POU2AF2: variants seen among roughly 807,000 people sequenced by gnomAD.
POU2AF2 encodes POU domain class 2-associating factor 2.
the POU2AF2 span, among the ~76,000 whole-genome samples, chr11:111,250,462 A>G: frequency 6.6e-6 from 1 of 152,220 alleles, no homozygotes; most frequent in East Asian, 1.9e-4. Flanking sequence ...CATTATTTTC[A>G]ACCAAAAACA....
chr11:111,285,671 A>C, the POU2AF2 span: 1 of 1,613,208 alleles, frequency 6.2e-7, no homozygotes, highest in South Asian at 1.1e-5. Flanking sequence ...ATGGGAGCAG[A>C]CGTTGCCTGA....
chr11:111,259,433 G>A, the POU2AF2 span, among the ~76,000 whole-genome samples: 6 of 150,776 alleles, frequency 4.0e-5, no homozygotes, highest in Non-Finnish European at 7.4e-5. Context: ...CTCCTGCCTC[G>A]GCCTCCCGAT....
chr11:111,263,540 C>G, the POU2AF2 span, among the ~76,000 whole-genome samples: 1 of 144,774 alleles, frequency 6.9e-6, no homozygotes, highest in Admixed American at 7.5e-5. Flanking sequence ...TCAAGTGATT[C>G]TTCTGCCTCA....
the POU2AF2 span, among the ~76,000 whole-genome samples, chr11:111,281,638 C>T: frequency 1.3e-5 from 2 of 152,176 alleles, no homozygotes; most frequent in Non-Finnish European, 2.9e-5. Flanking sequence ...GTCTTGAAAG[C>T]AGCCCTTTTA....
chr11:111,247,433 C>T, the POU2AF2 span, among the ~76,000 whole-genome samples: 1 of 152,122 alleles, frequency 6.6e-6, no homozygotes, highest in Non-Finnish European at 1.5e-5. Flanking sequence ...CAACAAAATC[C>T]TAATATGTTA....
chr11:111,271,334 A>G, the POU2AF2 span, among the ~76,000 whole-genome samples: 5 of 152,040 alleles, frequency 3.3e-5, no homozygotes, highest in Admixed American at 1.3e-4. Context: ...AAAAAAAAAA[A>G]GAAAGAGAGT....
At chr11:111,250,360 T>G in the POU2AF2 span, among the ~76,000 whole-genome samples, 1 of 152,236 alleles carries the variant, frequency 6.6e-6, no homozygotes, top group Non-Finnish European at 1.5e-5. Flanking sequence ...AGAGTCATAG[T>G]ACTCTTCTGT....
the POU2AF2 span, among the ~76,000 whole-genome samples, chr11:111,270,856 G>A: frequency 6.6e-6 from 1 of 152,182 alleles, no homozygotes; most frequent in Admixed American, 6.5e-5. Flanking sequence ...AGTAGAAATG[G>A]CACCTGCTGG....
the POU2AF2 span, among the ~76,000 whole-genome samples, chr11:111,277,114 A>G: frequency 6.6e-6 from 1 of 152,256 alleles, no homozygotes. Context: ...GAAGAGGGAC[A>G]GTTCTTATCT....
At chr11:111,257,491 C>T in the POU2AF2 span, among the ~76,000 whole-genome samples, 388 of 152,090 alleles carry the variant, frequency 2.6e-3, 3 homozygotes, top group African/African-American at 8.9e-3. Context: ...GTCTCAGCCT[C>T]CCAAGTAGCT....
chr11:111,277,373 A>C, the POU2AF2 span, among the ~76,000 whole-genome samples: 1 of 152,226 alleles, frequency 6.6e-6, no homozygotes, highest in Non-Finnish European at 1.5e-5. Flanking sequence ...CGGTACTGTC[A>C]GTTCCACAGT....
At chr11:111,284,509 G>C in the POU2AF2 span, 1 of 1,130,418 alleles carries the variant, frequency 8.8e-7, no homozygotes, top group Non-Finnish European at 1.2e-6. Context: ...CTGCTTTGCA[G>C]CTGCCTAGAG....
At chr11:111,248,595 A>G in the POU2AF2 span, among the ~76,000 whole-genome samples, 36,081 of 152,176 alleles carry the variant, frequency 0.24, 4,622 homozygotes, top group South Asian at 0.41. Context: ...GTCATTGTCT[A>G]TCACATAACT....
chr11:111,247,003 T>C, the POU2AF2 span, among the ~76,000 whole-genome samples: 2 of 152,214 alleles, frequency 1.3e-5, no homozygotes, highest in African/African-American at 4.8e-5. Context: ...ACCAGTTTTA[T>C]TCTTTATATA....
chr11:111,283,303 C>G, the POU2AF2 span, among the ~76,000 whole-genome samples: 2 of 152,140 alleles, frequency 1.3e-5, no homozygotes, highest in East Asian at 3.9e-4. Context: ...CCAGCCTGGG[C>G]CTCCCAAAGT....
chr11:111,268,794 C>T, the POU2AF2 span, among the ~76,000 whole-genome samples: 2 of 152,036 alleles, frequency 1.3e-5, no homozygotes, highest in African/African-American at 4.8e-5. Flanking sequence ...GTGATCCACC[C>T]GCCTCAGGTT....
the POU2AF2 span, among the ~76,000 whole-genome samples, chr11:111,273,994 T>C: frequency 6.6e-6 from 1 of 152,208 alleles, no homozygotes; most frequent in African/African-American, 2.4e-5. Context: ...TCAATGTTAA[T>C]TTCAATGTTA....
At chr11:111,276,439 G>GA in the POU2AF2 span, among the ~76,000 whole-genome samples, 636 of 44,334 alleles carry the variant, frequency 0.014, 26 homozygotes, top group African/African-American at 0.033. Context: ...CTACTAAAAA[G>GA]AAAAAAAAAA....
the POU2AF2 span, among the ~76,000 whole-genome samples, chr11:111,249,859 C>A: frequency 6.6e-6 from 1 of 152,264 alleles, no homozygotes; most frequent in East Asian, 1.9e-4. Flanking sequence ...TCCAGCCCCT[C>A]TCTTCCCCTG....
Sources: gnomAD v4.1 joint callset for allele counts (sites outside exome capture counted in the v4.1 genomes callset) on GRCh38, gnomAD v4.1.1 for gene constraint, MANE v1.5 for transcripts, NCBI Gene and HGNC (gene_info 2026-07-23, HGNC 2026-07-21) for gene names.